ANO3: variants seen among roughly 807,000 people sequenced by gnomAD.
ANO3 encodes anoctamin-3.
In ANO3, 99 loss-of-function variants were observed where a neutral mutation model predicts 144.8. The ratio of observed to expected loss-of-function variants is 0.68; its 90% CI spans 0.58 to 0.81. ANO3 has a LOEUF of 0.81. ANO3 is among the 30% of genes least tolerant of loss of function. The pLI is 0.00. For synonymous variants in ANO3, 414 were observed against 392.6 expected, an observed-to-expected ratio of 1.05 and a Z score of -0.64; for missense variants, 905 against 1,202.2, an observed-to-expected ratio of 0.75 and a Z score of 3.66.
At chr11:26,659,109 T>C (rs1565172386) in intron 26 of ANO3, among the ~76,000 whole-genome samples, 7 of 139,982 alleles carry the variant, frequency 5.0e-5, no homozygotes, top group East Asian at 2.3e-4. Context: ...CATATATATA[T>C]ACACACATAC....
At chr11:26,618,879 A>G (rs1852334930) in intron 17 of ANO3, among the ~76,000 whole-genome samples, 2 of 152,124 alleles carry the variant, frequency 1.3e-5, no homozygotes, top group South Asian at 2.1e-4. Flanking sequence ...TCCTCCATAA[A>G]GCATTTTTTT....
rs1327617555 is a variant in ANO3, at chr11:26,662,555, C to T, written c.*2111C>T. 3.3e-5 allele frequency: 5 copies of T among 152,032 alleles called. No individual in the cohort carries two copies. Among genetic ancestry groups the T allele is most frequent in the African/African-American group, 7.2e-5 (3 of 41,440 alleles). 9.4% of individuals were successfully genotyped at this position (152,032 alleles called of 1,614,324 possible). ...AGTAGTATAAAGAATAATGATAGCT[C>T]TATCCTTAAGAAGTATTTCCTTTCC... On this transcript the variant is annotated 3_prime_UTR_variant, in exon 27 of 27. Coordinates refer to ENST00000256737, the MANE Select transcript of ANO3 (RefSeq NM_031418.4).
At chr11:26,560,966 C>A (rs1211671460) in intron 14 of ANO3, 1 of 1,192,228 alleles carries the variant, frequency 8.4e-7, no homozygotes. Flanking sequence ...TGACAAAATC[C>A]ACGTGACAGT....
At chr11:26,551,713 C>A (rs111732128) in intron 12 of ANO3, among the ~76,000 whole-genome samples, 19 of 152,030 alleles carry the variant, frequency 1.2e-4, no homozygotes, top group African/African-American at 4.6e-4. Flanking sequence ...TGTTAAAAAG[C>A]TCATTTCAAT....
chr11:26,497,043 C>T (rs1389703534), intron 4 of ANO3, among the ~76,000 whole-genome samples: 1 of 149,168 alleles, frequency 6.7e-6, no homozygotes, highest in Non-Finnish European at 1.5e-5. Flanking sequence ...CACACACACA[C>T]ACACTACATT....
chr11:26,313,780 T>C (rs1373614771), intron 1 of ANO3, among the ~76,000 whole-genome samples: 2 of 151,682 alleles, frequency 1.3e-5, no homozygotes, highest in Non-Finnish European at 2.9e-5. Flanking sequence ...AGTTACTGAA[T>C]TAGAAAACAA....
chr11:26,372,506 T>C (rs184321717), intron 1 of ANO3, among the ~76,000 whole-genome samples: 6 of 152,350 alleles, frequency 3.9e-5, no homozygotes, highest in African/African-American at 1.4e-4. Context: ...GATACTCTTT[T>C]GTAAAGCATC....
At chr11:26,565,910 A>G (rs918465962) in intron 14 of ANO3, 5 of 1,559,628 alleles carry the variant, frequency 3.2e-6, no homozygotes, top group Non-Finnish European at 4.3e-6. Flanking sequence ...AAAGAAAATA[A>G]CCATAATTTG....
upstream of ANO3, among the ~76,000 whole-genome samples, chr11:26,309,121 GTCTT>G (rs1854450518): frequency 6.6e-6 from 1 of 152,098 alleles, no homozygotes. Context: ...TTAAAAAGTT[GTCTT>G]TCTAAGAGTT....
chr11:26,332,501 C>A (rs1855081199), intron 1 of ANO3, among the ~76,000 whole-genome samples, 180 bp downstream of exon 1: 1 of 148,960 alleles, frequency 6.7e-6, no homozygotes, highest in Admixed American at 6.8e-5. Flanking sequence ...GAGTGATTTT[C>A]TGAGCCTCCG....
At chr11:26,312,897 T>G (rs1854533689) in intron 1 of ANO3, among the ~76,000 whole-genome samples, 1 of 152,222 alleles carries the variant, frequency 6.6e-6, no homozygotes, top group Non-Finnish European at 1.5e-5. Flanking sequence ...GCACAGATCT[T>G]ATTTTCATGA....
chr11:26,571,015 GA>G (rs925637958), intron 14 of ANO3, among the ~76,000 whole-genome samples: 4 of 151,846 alleles, frequency 2.6e-5, no homozygotes, highest in Admixed American at 2.0e-4. Context: ...TTTCTTTCAA[GA>G]AAAAAACAAA....
intron 1 of ANO3, among the ~76,000 whole-genome samples, chr11:26,406,643 C>T (rs1464890710): frequency 6.7e-6 from 1 of 149,182 alleles, no homozygotes; most frequent in Non-Finnish European, 1.5e-5. Context: ...ACCATTAAGG[C>T]AGCCCAGTGA....
chr11:26,601,562 G>A, intron 17 of ANO3, among the ~76,000 whole-genome samples: 1 of 152,148 alleles, frequency 6.6e-6, no homozygotes, highest in Admixed American at 6.5e-5. Flanking sequence ...ACTTTTAGAA[G>A]TAGGAAACCT....
At chr11:26,533,233 C>A (rs1849418399) in intron 8 of ANO3, among the ~76,000 whole-genome samples, 1 of 151,826 alleles carries the variant, frequency 6.6e-6, no homozygotes, top group South Asian at 2.1e-4. Flanking sequence ...ATCTGGGATG[C>A]CTTTTCAAAG....
chr11:26,418,932 C>T (rs1375201378), intron 1 of ANO3, among the ~76,000 whole-genome samples: 1 of 152,120 alleles, frequency 6.6e-6, no homozygotes, highest in African/African-American at 2.4e-5. Context: ...GGCTCTAACC[C>T]ATGGGGACAC....
chr11:26,223,918 CCCATG>C (rs1852203441), intron 1 of ANO3, among the ~76,000 whole-genome samples: 1 of 152,140 alleles, frequency 6.6e-6, no homozygotes, highest in Admixed American at 6.6e-5. Flanking sequence ...GGGATTTTCC[CCCATG>C]ACCAAAACAC....
At chr11:26,286,831 A>G (rs1293349624) in intron 1 of ANO3, among the ~76,000 whole-genome samples, 1 of 152,198 alleles carries the variant, frequency 6.6e-6, no homozygotes, top group African/African-American at 2.4e-5. Flanking sequence ...GAATGTTAAA[A>G]CAAACAGGGC....
chr11:26,443,986 A>G, intron 3 of ANO3, 150 bp downstream of exon 3: 1 of 473,444 alleles, frequency 2.1e-6, no homozygotes, highest in Non-Finnish European at 3.7e-6. Flanking sequence ...GAGGTTAAGA[A>G]ATTAAGAAAT....
Sources: gnomAD v4.1 joint callset for allele counts (sites outside exome capture counted in the v4.1 genomes callset) on GRCh38, gnomAD v4.1.1 for gene constraint, MANE v1.5 for transcripts, NCBI Gene and HGNC (gene_info 2026-07-23, HGNC 2026-07-21) for gene names.